The following ZUP1 variants were observed in gnomAD, a reference collection of about 807,000 sequenced individuals.
ZUP1 encodes zinc finger-containing ubiquitin peptidase 1.
A neutral mutation model predicts 68.1 loss-of-function variants in ZUP1; 55 were observed. That is an observed-to-expected ratio of 0.81 (90% confidence interval 0.65 to 1.01). The LOEUF (loss-of-function observed/expected upper bound fraction) is 1.01. Ranked by LOEUF, ZUP1 falls within the 50% of genes least tolerant of loss-of-function variation. The probability of loss-of-function intolerance (pLI) is 0.00; values close to 1 mark genes in which losing one functional copy is unlikely to be tolerated. For synonymous variants in ZUP1, 223 were observed against 221.5 expected (o/e 1.01, Z -0.06); for missense variants, 684 against 674.9 (o/e 1.01, Z -0.15).
At chr6:116,659,616 G>T (rs1470684036) in intron 3 of ZUP1, among the ~76,000 whole-genome samples, 1 of 146,254 alleles carries the variant, frequency 6.8e-6, no homozygotes, top group Non-Finnish European at 1.5e-5. Flanking sequence ...AAATACTAGG[G>T]GAGAAAAAAA....
chr6:116,639,016 C>T (rs899277169), intron 9 of ZUP1, among the ~76,000 whole-genome samples: 16 of 152,234 alleles, frequency 1.1e-4, no homozygotes, highest in Non-Finnish European at 1.8e-4. Context: ...GCTTAGGAAA[C>T]GGCGCACCAG....
At chr6:116,663,585 T>C (rs1202454488) in intron 2 of ZUP1, among the ~76,000 whole-genome samples, 1 of 152,160 alleles carries the variant, frequency 6.6e-6, no homozygotes, top group African/African-American at 2.4e-5. Flanking sequence ...AAATTTTCAT[T>C]ATTAGCAGAT....
intron 9 of ZUP1, among the ~76,000 whole-genome samples, chr6:116,641,058 A>C (rs1240856089): frequency 1.3e-5 from 2 of 150,190 alleles, no homozygotes; most frequent in Admixed American, 1.3e-4. Flanking sequence ...GATAAAACAG[A>C]CTTTAAATCA....
chr6:116,653,177 C>A (rs192498281), intron 5 of ZUP1, among the ~76,000 whole-genome samples: 5 of 152,110 alleles, frequency 3.3e-5, no homozygotes, highest in African/African-American at 1.2e-4. Context: ...TTAGTATATT[C>A]TCCTTATGTT....
rs186368003 is a variant in ZUP1 at position 116,665,342 on chromosome 6, A to C, written c.559+1292T>G. On this transcript the variant is annotated intron_variant, in intron 2 of 9. Coordinates refer to ENST00000368576, the MANE Select transcript of ZUP1 (RefSeq NM_145062.3). ...AATGTATCACAGATCTAAATGTAAAATACAAAACTATCAAACTTCTAGAAG... is the reference window on the plus strand; with the variant it reads ...AATGTATCACAGATCTAAATGTAAACTACAAAACTATCAAACTTCTAGAAG... 6.5e-3 allele frequency among the ~76,000 whole-genome samples: 983 copies of C among 152,298 alleles called. 15 individuals are homozygous for C. The highest frequency in any genetic ancestry group is 0.022 in the African/African-American group (918 of 41,578).
At chr6:116,665,756 T>TG (rs1776987803) in intron 2 of ZUP1, among the ~76,000 whole-genome samples, 1 of 145,526 alleles carries the variant, frequency 6.9e-6, no homozygotes, top group African/African-American at 2.5e-5. Context: ...GTTTTTTGGT[T>TG]TTTTTTTTTT....
chr6:116,640,108 T>C (rs932965905), intron 9 of ZUP1, among the ~76,000 whole-genome samples: 19 of 151,920 alleles, frequency 1.3e-4, no homozygotes, highest in Admixed American at 9.8e-4. Flanking sequence ...ATGAAATGAA[T>C]GAAATGAAGC....
intron 2 of ZUP1, among the ~76,000 whole-genome samples, chr6:116,664,905 C>A (rs1057508573): frequency 7.4e-5 from 11 of 148,014 alleles, no homozygotes; most frequent in South Asian, 2.2e-4. Flanking sequence ...CACACACACA[C>A]AATCCAGAAA....
intron 7 of ZUP1, among the ~76,000 whole-genome samples, chr6:116,648,082 A>G (rs914167688): frequency 2.0e-5 from 3 of 152,216 alleles, no homozygotes; most frequent in Non-Finnish European, 4.4e-5. Context: ...GATCCTAAAT[A>G]CTTTTCCTGT....
At chr6:116,652,557 A>G (rs1254867430) in intron 5 of ZUP1, among the ~76,000 whole-genome samples, 1 of 152,188 alleles carries the variant, frequency 6.6e-6, no homozygotes, top group Non-Finnish European at 1.5e-5. Context: ...GCTCCCTATT[A>G]CCAATAGTTT....
chr6:116,658,986 T>G (rs1583376602), intron 3 of ZUP1, 62 bp from the exon 4 acceptor site: 1 of 1,347,142 alleles, frequency 7.4e-7, no homozygotes, highest in East Asian at 2.7e-5. Flanking sequence ...TATTTATTAT[T>G]TAATATATGT....
chr6:116,661,293 T>C (rs1251152966), intron 2 of ZUP1, among the ~76,000 whole-genome samples: 2 of 152,262 alleles, frequency 1.3e-5, no homozygotes, highest in East Asian at 3.9e-4. Context: ...GCTATTTTTC[T>C]ACTTCTAGGG....
At chr6:116,655,689 T>G (rs1010208352) in intron 5 of ZUP1, among the ~76,000 whole-genome samples, 2 of 152,212 alleles carry the variant, frequency 1.3e-5, no homozygotes, top group African/African-American at 2.4e-5. Context: ...AAGATTTGAT[T>G]AGGAATAACC....
chr6:116,651,958 A>T (rs1776512184), intron 6 of ZUP1, 46 bp downstream of exon 6: 1 of 1,569,738 alleles, frequency 6.4e-7, no homozygotes, highest in Admixed American at 1.7e-5. Context: ...TCTATATCAT[A>T]TGTATTTTAT....
At chr6:116,663,253 C>T (rs1204224307) in intron 2 of ZUP1, among the ~76,000 whole-genome samples, 3 of 133,596 alleles carry the variant, frequency 2.2e-5, no homozygotes, top group Admixed American at 1.8e-4. Context: ...CATTCATTAC[C>T]CCCCTCATGT....
intron 5 of ZUP1, among the ~76,000 whole-genome samples, chr6:116,652,519 A>G (rs1776541806): frequency 6.6e-6 from 1 of 152,128 alleles, no homozygotes; most frequent in African/African-American, 2.4e-5. Context: ...GTCTTAATCA[A>G]TTTGCTCCCA....
intron 3 of ZUP1, among the ~76,000 whole-genome samples, chr6:116,659,296 AT>A (rs1346758741): frequency 1.3e-5 from 2 of 151,962 alleles, no homozygotes; most frequent in African/African-American, 4.8e-5. Context: ...TGCCCAGCTA[AT>A]TTTTGTATTT....
At chr6:116,638,969 G>A (rs1263976703) in intron 9 of ZUP1, among the ~76,000 whole-genome samples, 4 of 152,180 alleles carry the variant, frequency 2.6e-5, no homozygotes, top group East Asian at 1.9e-4. Flanking sequence ...CTGGAACATC[G>A]GGCCACTCCC....
chr6:116,636,231 A>C (rs1775906936), intron 9 of ZUP1, among the ~76,000 whole-genome samples: 1 of 152,168 alleles, frequency 6.6e-6, no homozygotes, highest in Non-Finnish European at 1.5e-5. Flanking sequence ...AAACTTTATA[A>C]ACATTATGCA....
Sources: allele counts gnomAD v4.1 joint callset (sites outside exome capture counted in the v4.1 genomes callset), GRCh38; gene constraint gnomAD v4.1.1; transcripts MANE v1.5; gene names NCBI Gene and HGNC (gene_info 2026-07-23, HGNC 2026-07-21).